Variants in CPXM2 observed in about 807,000 individuals in gnomAD.
CPXM2 encodes carboxypeptidase X, M14 family member 2.
A neutral mutation model predicts 86.1 loss-of-function variants in CPXM2; 66 were observed. That is an observed-to-expected ratio of 0.77 (90% CI 0.63 to 0.94). CPXM2 has a LOEUF of 0.94. Among genes scored for constraint, CPXM2 ranks in the 40% least tolerant of loss-of-function variants. CPXM2 has a pLI of 0.00. For missense variants in CPXM2, 948 were observed against 1,026.3 expected, an observed-to-expected ratio of 0.92 and a Z score of 1.04; for synonymous variants, 388 against 400.2, an observed-to-expected ratio of 0.97 and a Z score of 0.36.
chr10:123,841,976 C>T (rs1848396682), intron 4 of CPXM2, among the ~76,000 whole-genome samples: 2 of 152,244 alleles, frequency 1.3e-5, no homozygotes, highest in African/African-American at 4.8e-5. Flanking sequence ...TACCCCAGAA[C>T]TGTGTACTCA....
rs201294277 is a variant in CPXM2 at position 123,798,253 on chromosome 10, G to A, written c.739-127C>T. The stretch of plus-strand genomic sequence containing the variant: ...CCTAATGTGTGCTGTGCATTGAAAA[G>A]AAAAAAAAAAAAAAAAGAAATGAAT... On this transcript the variant is annotated intron_variant, in intron 5 of 13. Coordinates refer to ENST00000241305, the MANE Select transcript of CPXM2 (RefSeq NM_198148.3). The A allele has an allele frequency of 0.013, 5,002 of 374,754 alleles. 3 individuals are homozygous for A. Among genetic ancestry groups the A allele is most frequent in the South Asian group, 0.053 (580 of 10,950 alleles). 23.2% of individuals were successfully genotyped at this position (374,754 alleles called of 1,614,324 possible).
intron 4 of CPXM2, among the ~76,000 whole-genome samples, chr10:123,807,344 G>A (rs1451682954): frequency 1.3e-5 from 2 of 152,134 alleles, no homozygotes; most frequent in African/African-American, 4.8e-5. Flanking sequence ...AATAATGCAG[G>A]CTGATAATCC....
In CPXM2 at chr10:123,842,374, T is replaced by C. The variant is rs915611587; in HGVS notation, c.628A>G (p.Thr210Ala). ...AGCCAGAGGGAGTTCCTCCCTTGAG[T>C]GATGACACCAGTGAATCTGGTCAGG... is the stretch of plus-strand genomic sequence containing the variant. ...RRLTRFTGVI[T>A]QGRNSLWLSD... The change falls in exon 4 of 14, where the codon ACT (threonine) becomes GCT (alanine). Residue 210 changes from threonine (T) to alanine (A), a missense_variant. By Grantham distance (58) the Thr-to-Ala change is moderately conservative. Coordinates refer to ENST00000241305, the MANE Select transcript of CPXM2 (RefSeq NM_198148.3). 3 of 1,614,076 alleles carry C rather than the reference T, an allele frequency of 1.9e-6. No homozygotes were observed. In the African/African-American group the frequency reaches 4.0e-5, roughly 22 times the overall value.
At chr10:123,821,785 C>T (rs1847929369) in intron 4 of CPXM2, among the ~76,000 whole-genome samples, 1 of 152,130 alleles carries the variant, frequency 6.6e-6, no homozygotes, top group South Asian at 2.1e-4. Context: ...TAGACAGACT[C>T]TCATAGCAAA....
rs1331662129 is a variant in CPXM2, at chr10:123,914,990, G to A, written n.174+24487C>T. 2.6e-5 allele frequency among the ~76,000 whole-genome samples: 4 copies of A among 152,182 alleles called. No homozygotes were observed. In the East Asian group the frequency reaches 7.7e-4, roughly 29 times the overall value. ...CTTTCATTGATTCTTCCCACCCAAA[G>A]AATAAAATGCAAAGTCCTTACCAAG... On this transcript the variant is annotated intron_variant and non_coding_transcript_variant, in intron 2 of 19. Transcript: ENST00000368854.
At chr10:123,936,071 T>C (rs61861981) in intron 2 of CPXM2, among the ~76,000 whole-genome samples, 24 of 2,434 alleles carry the variant, frequency 9.9e-3, no homozygotes, top group Non-Finnish European at 0.012. Flanking sequence ...TCATCACCAC[T>C]ATCTTTACCA....
chr10:123,937,810 T>C (rs1423116807), intron 2 of CPXM2, among the ~76,000 whole-genome samples: 4 of 152,094 alleles, frequency 2.6e-5, no homozygotes. Flanking sequence ...AATCAAAGCC[T>C]TTAGAGAAGA....
intron 4 of CPXM2, among the ~76,000 whole-genome samples, chr10:123,812,440 A>T (rs1017518151): frequency 2.0e-5 from 3 of 152,178 alleles, no homozygotes; most frequent in Non-Finnish European, 4.4e-5. Context: ...AAGGTAGGAG[A>T]TTAATTGGTC....
intron 4 of CPXM2, among the ~76,000 whole-genome samples, chr10:123,826,002 C>T (rs1848037602): frequency 6.6e-6 from 1 of 152,170 alleles, no homozygotes; most frequent in South Asian, 2.1e-4. Flanking sequence ...CATTGCACAG[C>T]ATCATGTAGT....
chr10:123,860,743 C>T (rs1318500459), intron 3 of CPXM2, among the ~76,000 whole-genome samples: 1 of 151,900 alleles, frequency 6.6e-6, no homozygotes, highest in Non-Finnish European at 1.5e-5. Context: ...TGTGGGGACA[C>T]GAACATAGCT....
At chr10:123,863,837 C>T (rs1189830329) in intron 2 of CPXM2, among the ~76,000 whole-genome samples, 3 of 152,198 alleles carry the variant, frequency 2.0e-5, no homozygotes, top group Non-Finnish European at 4.4e-5. Flanking sequence ...AGCCTGGGCC[C>T]GTGCCCTTCA....
At chr10:123,898,419 A>C (rs1292326202) in intron 2 of CPXM2, among the ~76,000 whole-genome samples, 1 of 152,190 alleles carries the variant, frequency 6.6e-6, no homozygotes, top group Non-Finnish European at 1.5e-5. Flanking sequence ...ACATCTGTGA[A>C]TAGCCACTGA....
chr10:123,937,470 A>AAGACACACACACACAC (rs1945732509), intron 2 of CPXM2, among the ~76,000 whole-genome samples: 2 of 132,590 alleles, frequency 1.5e-5, no homozygotes, highest in African/African-American at 5.5e-5. Context: ...ACAACAAAAC[A>AAGACACACACACACAC]ACACACACAC....
intron 5 of CPXM2, 41 bp downstream of exon 5, chr10:123,799,074 G>A: frequency 6.2e-7 from 1 of 1,609,728 alleles, no homozygotes; most frequent in South Asian, 1.1e-5. Flanking sequence ...ACCCCACCCA[G>A]CCAGGAAGAA....
chr10:123,832,781 C>T (rs1848190273), intron 4 of CPXM2, among the ~76,000 whole-genome samples: 1 of 149,262 alleles, frequency 6.7e-6, no homozygotes, highest in African/African-American at 2.5e-5. Flanking sequence ...GAGCCGAGAT[C>T]GTGCCATTGC....
At chr10:123,931,087 G>C (rs1945662905) in intron 2 of CPXM2, among the ~76,000 whole-genome samples, 1 of 152,182 alleles carries the variant, frequency 6.6e-6, no homozygotes, top group Non-Finnish European at 1.5e-5. Context: ...CTTAGTCAAG[G>C]GGGGTCTAGA....
chr10:123,749,578 C>T (rs1846031321), intron 13 of CPXM2, among the ~76,000 whole-genome samples: 1 of 152,200 alleles, frequency 6.6e-6, no homozygotes, highest in Non-Finnish European at 1.5e-5. Flanking sequence ...TGGCCCGAGC[C>T]TCTGGGGTCC....
intron 3 of CPXM2, among the ~76,000 whole-genome samples, chr10:123,851,227 A>G (rs1327085281): frequency 6.6e-6 from 1 of 152,146 alleles, no homozygotes; most frequent in Non-Finnish European, 1.5e-5. Flanking sequence ...GCCTTTGCAC[A>G]TACTCTTCTC....
chr10:123,923,459 T>G (rs369450412), intron 2 of CPXM2, among the ~76,000 whole-genome samples: 2,370 of 150,402 alleles, frequency 0.016, 72 homozygotes, highest in African/African-American at 0.056. Flanking sequence ...CGGGCGCCTG[T>G]AGTCCCAGCT....
Sources: allele counts gnomAD v4.1 joint callset (sites outside exome capture counted in the v4.1 genomes callset), GRCh38; gene constraint gnomAD v4.1.1; transcripts MANE v1.5; gene names NCBI Gene and HGNC (gene_info 2026-07-23, HGNC 2026-07-21).